Variants in CRISP1 observed in about 807,000 individuals in gnomAD.
The protein encoded by CRISP1 is cysteine-rich secretory protein 1.
A neutral mutation model predicts 33.1 loss-of-function variants in CRISP1; 44 were observed. The observed-to-expected ratio is 1.33, with a 90% CI of 1.05 to 1.71. The LOEUF (loss-of-function observed/expected upper bound fraction) is 1.71, where lower values mean the gene tolerates loss of function less well. Ranked by LOEUF, CRISP1 falls within the 40% of genes most tolerant of loss-of-function variation. CRISP1 has a pLI of 0.00. For synonymous variants in CRISP1, 103 were observed against 98.7 expected (o/e 1.04, Z -0.26); for missense variants, 390 against 301.2 (o/e 1.29, Z -2.18).
intron 7 of CRISP1, among the ~76,000 whole-genome samples, 191 bp from the exon 8 acceptor site, chr6:49,835,634 A>G (rs1352902211): frequency 6.6e-6 from 1 of 152,194 alleles, no homozygotes; most frequent in Non-Finnish European, 1.5e-5. Context: ...AAAAAGGTAA[A>G]ATTTTTGTCT....
chr6:49,835,267 C>T lies in CRISP1; in HGVS notation c.*49G>A, dbSNP rs777606689. 6.3e-7 allele frequency: 1 copy of T among 1,588,658 alleles called. No homozygotes were observed. Among genetic ancestry groups the T allele is most frequent in the African/African-American group, 1.3e-5 (1 of 74,234 alleles). Reference sequence around the variant, plus strand: ...TAGCAAAAGACATGAATCCAACAGACATCTCCTCCTCATCGTCACAGCATA... The same window carrying T: ...TAGCAAAAGACATGAATCCAACAGATATCTCCTCCTCATCGTCACAGCATA... On this transcript the variant is annotated 3_prime_UTR_variant, in exon 8 of 8. Transcript: ENST00000335847.
chr6:49,859,806 A>G (rs1448393790), intron 1 of CRISP1, among the ~76,000 whole-genome samples: 1 of 152,182 alleles, frequency 6.6e-6, no homozygotes, highest in Non-Finnish European at 1.5e-5. Context: ...TTTCAATTTA[A>G]AAAATACAGA....
chr6:49,874,880 C>A (rs1283678600), intron 1 of CRISP1, among the ~76,000 whole-genome samples: 1 of 151,926 alleles, frequency 6.6e-6, no homozygotes, highest in Non-Finnish European at 1.5e-5. Context: ...TAAAAACTCT[C>A]AATAAACTAG....
At chr6:49,856,969 A>G (rs1360478069) in intron 2 of CRISP1, among the ~76,000 whole-genome samples, 1 of 152,086 alleles carries the variant, frequency 6.6e-6, no homozygotes, top group East Asian at 1.9e-4. Context: ...TGATGCTTTA[A>G]ATTCTTGTTA....
At chr6:49,836,670 T>C (rs953195517) in intron 7 of CRISP1, among the ~76,000 whole-genome samples, 1 of 152,186 alleles carries the variant, frequency 6.6e-6, no homozygotes, top group African/African-American at 2.4e-5. Flanking sequence ...TATGTCTTAC[T>C]GTTTATTATT....
At position 49,845,754 on chromosome 6, in the gene CRISP1, C is replaced by G. The variant is rs1771144499; in HGVS notation, c.435+766G>C. On this transcript the variant is annotated intron_variant, in intron 5 of 7. Transcript: ENST00000335847. ...TCAAATGCCCATCAGAACAGACAAG[C>G]AAAAGGTGATATACACATGCAATGA... Among the ~76,000 whole-genome samples the G allele has an allele frequency of 2.0e-5, 3 of 147,720 alleles. No individual in the cohort carries two copies. In the South Asian group the frequency reaches 6.4e-4, roughly 31 times the overall value.
intron 1 of CRISP1, among the ~76,000 whole-genome samples, chr6:49,874,256 C>T (rs367933917): frequency 2.0e-5 from 3 of 152,090 alleles, no homozygotes; most frequent in East Asian, 3.9e-4. Context: ...AATATTAGAA[C>T]TAAAACAGTT....
In CRISP1 at chr6:49,848,679, G is replaced by A. The variant is rs533989252; in HGVS notation, c.196-380C>T. ...TTTATCCATCTGGAAACTGTTACCT[G>A]TAATTTATGCCCAAAGGTTTGTTCA... On this transcript the variant is annotated intron_variant, in intron 3 of 7. Transcript: ENST00000335847. 6.6e-5 allele frequency among the ~76,000 whole-genome samples: 10 copies of A among 152,210 alleles called. No homozygotes were observed. The South Asian group carries it at 2.1e-3, about 32-fold the overall frequency.
At chr6:49,862,333 G>A (rs1224345248) in intron 1 of CRISP1, among the ~76,000 whole-genome samples, 3 of 151,848 alleles carry the variant, frequency 2.0e-5, no homozygotes, top group South Asian at 2.1e-4. Flanking sequence ...AATTGAAAAG[G>A]ACACAAAAAT....
intron 1 of CRISP1, among the ~76,000 whole-genome samples, chr6:49,862,534 T>C (rs1476213000): frequency 1.3e-5 from 2 of 152,042 alleles, no homozygotes; most frequent in Non-Finnish European, 2.9e-5. Flanking sequence ...GGTAAATTAA[T>C]CCCAGAACTT....
exon 1 of CRISP1, chr6:49,877,078 T>G (rs932025224): frequency 6.6e-6 from 1 of 151,848 alleles, no homozygotes; most frequent in Non-Finnish European, 1.5e-5. Flanking sequence ...AGCTCTGTCC[T>G]GGTAGCTGCA....
chr6:49,870,126 G>A (rs570490009), upstream of CRISP1, among the ~76,000 whole-genome samples: 1 of 152,208 alleles, frequency 6.6e-6, no homozygotes, highest in East Asian at 1.9e-4. Context: ...AAGAAAGAAA[G>A]ATAGACAAAT....
rs1770725447 is a variant in CRISP1, at chr6:49,834,711, TA to T, written c.*604del. 1 of 152,246 alleles carries T rather than the reference TA, an allele frequency of 6.6e-6. No individual in the cohort carries two copies. Among genetic ancestry groups the T allele is most frequent in the South Asian group, 2.1e-4 (1 of 4,828 alleles). The allele number at this position is 152,246 out of a possible 1,614,324, so 9.4% of individuals were successfully genotyped here. A position where few individuals can be genotyped will look rare whatever the true frequency, so the allele number is the denominator to read the frequency against. ...CATCTTGTATGCAATCAGTACTGAA[TA>T]CATATTTTGTTAAATTAATGGCATA... On this transcript the variant is annotated 3_prime_UTR_variant, in exon 8 of 8. Coordinates refer to ENST00000335847, the MANE Select transcript of CRISP1 (RefSeq NM_001131.3).
In CRISP1 at chr6:49,845,991, A is replaced by C. The variant is rs187092449; in HGVS notation, c.435+529T>G. On this transcript the variant is annotated intron_variant, in intron 5 of 7. Coordinates refer to ENST00000335847, the MANE Select transcript of CRISP1 (RefSeq NM_001131.3). ...GCCAGAGGTCTGGGGAAGTAGGGAG[A>C]GGAATGGAAGGTATTGTTTAATGAG... is the stretch of plus-strand genomic sequence containing the variant. Among the ~76,000 whole-genome samples the C allele has an allele frequency of 6.3e-4, 96 of 152,188 alleles. 1 individual carries two copies. The Middle Eastern group carries it at 0.01, about 16-fold the overall frequency.
At chr6:49,851,952 C>T (rs770203243) in intron 3 of CRISP1, 49 bp downstream of exon 3, 2 of 1,562,980 alleles carry the variant, frequency 1.3e-6, no homozygotes, top group South Asian at 2.4e-5. Context: ...ACTCAGTAAA[C>T]ACCATTACTA....
At chr6:49,864,680 T>G (rs557822059) in intron 1 of CRISP1, among the ~76,000 whole-genome samples, 1 of 152,290 alleles carries the variant, frequency 6.6e-6, no homozygotes, top group South Asian at 2.1e-4. Flanking sequence ...TATTTACATG[T>G]GCTTATCAGC....
At chr6:49,870,553 A>G (rs1057109265), upstream of CRISP1, among the ~76,000 whole-genome samples, 2 of 152,170 alleles carry the variant, frequency 1.3e-5, no homozygotes, top group African/African-American at 4.8e-5. Flanking sequence ...GTAAATACAT[A>G]CCTTGGACTT....
chr6:49,852,015 T>G lies in CRISP1; in HGVS notation c.181A>C (p.Asn61His). 2 of 1,609,944 alleles carry G rather than the reference T, an allele frequency of 1.2e-6. No homozygotes were observed. The highest frequency in any genetic ancestry group is 2.7e-5 in the African/African-American group (2 of 74,776). Residue 61 changes from asparagine (N) to histidine (H), a missense_variant, in exon 3 of 8, where the codon AAC becomes CAC. By Grantham distance (68) the Asn-to-His change is moderately conservative (BLOSUM62 1). Coordinates refer to ENST00000335847, the MANE Select transcript of CRISP1 (RefSeq NM_001131.3). Reference protein sequence around the residue: ...LRRRVVPPASNMLKMSWSEEA... With the variant: ...LRRRVVPPASHMLKMSWSEEA... ...TTTGATCTTACCATCTTCAGCATGT[T>G]GCTGGCTGGTGGAACTACTCTTCTC... is the stretch of plus-strand genomic sequence containing the variant.
chr6:49,875,338 CAAAG>C (rs1261781120), intron 1 of CRISP1, among the ~76,000 whole-genome samples: 1 of 151,800 alleles, frequency 6.6e-6, no homozygotes, highest in African/African-American at 2.4e-5. Flanking sequence ...ATATAGCTAA[CAAAG>C]GAAGTGAAGG....
Sources: gnomAD v4.1 joint callset for allele counts (sites outside exome capture counted in the v4.1 genomes callset) on GRCh38, gnomAD v4.1.1 for gene constraint, MANE v1.5 for transcripts, NCBI Gene and HGNC (gene_info 2026-07-23, HGNC 2026-07-21) for gene names.